Variants in SLC24A2 observed in about 807,000 individuals in gnomAD.
SLC24A2 encodes sodium/potassium/calcium exchanger 2.
Under a neutral mutation model 62.0 loss-of-function variants are expected in SLC24A2, and 36 were observed. The observed-to-expected ratio is 0.58, with a 90% CI of 0.44 to 0.77. SLC24A2 has a LOEUF of 0.77. Among genes scored for constraint, SLC24A2 ranks in the 30% least tolerant of loss-of-function variants. The pLI, the probability that SLC24A2 is intolerant of heterozygous loss-of-function variation, is 0.00. For missense variants in SLC24A2, 846 were observed against 817.9 expected (o/e 1.03, Z -0.42); for synonymous variants, 358 against 294.0 (o/e 1.22, Z -2.23).
At chr9:19,723,817 A>C (rs912578682) in intron 2 of SLC24A2, among the ~76,000 whole-genome samples, 2 of 152,110 alleles carry the variant, frequency 1.3e-5, no homozygotes, top group African/African-American at 4.8e-5. Context: ...TTTTTTCTAC[A>C]TCATACTTCA....
chr9:19,741,983 G>A (rs1040323478), intron 2 of SLC24A2, among the ~76,000 whole-genome samples: 3 of 152,144 alleles, frequency 2.0e-5, no homozygotes, highest in African/African-American at 7.2e-5. Flanking sequence ...TATGCAATGG[G>A]ACAATTTTTG....
chr9:20,134,208 T>G, the SLC24A2 span, among the ~76,000 whole-genome samples: 6 of 152,180 alleles, frequency 3.9e-5, no homozygotes, highest in Non-Finnish European at 7.4e-5. Flanking sequence ...TACCATGATT[T>G]GAGAAGCAAT....
the SLC24A2 span, among the ~76,000 whole-genome samples, chr9:20,182,849 A>T: frequency 6.6e-6 from 1 of 152,198 alleles, no homozygotes; most frequent in Non-Finnish European, 1.5e-5. Flanking sequence ...GGCAGAAAAT[A>T]AAACTTCATG....
the SLC24A2 span, among the ~76,000 whole-genome samples, chr9:20,054,104 C>T: frequency 2.0e-5 from 3 of 152,100 alleles, no homozygotes; most frequent in South Asian, 2.1e-4. Context: ...CTTGGGGAAA[C>T]AGGTGGTGTT....
the SLC24A2 span, among the ~76,000 whole-genome samples, chr9:20,271,557 C>A: frequency 6.6e-6 from 1 of 152,226 alleles, no homozygotes; most frequent in Admixed American, 6.5e-5. Flanking sequence ...GGCTCTCTCA[C>A]TCACAGCACT....
chr9:20,098,559 G>C, the SLC24A2 span, among the ~76,000 whole-genome samples: 2 of 152,178 alleles, frequency 1.3e-5, no homozygotes, highest in Non-Finnish European at 2.9e-5. Flanking sequence ...CCAAACATAA[G>C]AAACTCAGCA....
intron 2 of SLC24A2, among the ~76,000 whole-genome samples, chr9:19,747,725 A>C (rs773328453): frequency 7.2e-5 from 11 of 152,126 alleles, no homozygotes; most frequent in Non-Finnish European, 1.2e-4. Flanking sequence ...TCAAATGCAA[A>C]TGTGTCACCA....
At chr9:19,578,313 TTTC>T (rs1466282052) in intron 5 of SLC24A2, among the ~76,000 whole-genome samples, 1 of 151,390 alleles carries the variant, frequency 6.6e-6, no homozygotes, top group Non-Finnish European at 1.5e-5. Context: ...CGATGTTTCA[TTTC>T]TTCTTTATTA....
At chr9:19,982,460 C>G in the SLC24A2 span, among the ~76,000 whole-genome samples, 1 of 152,114 alleles carries the variant, frequency 6.6e-6, no homozygotes, top group Non-Finnish European at 1.5e-5. Flanking sequence ...AGATTTATAG[C>G]AGCAATGTGA....
chr9:19,961,019 G>GTTGT, the SLC24A2 span, among the ~76,000 whole-genome samples: 1 of 80,412 alleles, frequency 1.2e-5, no homozygotes, highest in South Asian at 6.8e-4. Flanking sequence ...GGATTAGAGG[G>GTTGT]GTGGGTGTGT....
the SLC24A2 span, among the ~76,000 whole-genome samples, chr9:19,835,197 A>C: frequency 6.6e-6 from 1 of 152,212 alleles, no homozygotes; most frequent in Non-Finnish European, 1.5e-5. Context: ...CTAACATCAT[A>C]ATGACAGGAT....
At chr9:20,140,021 G>A in the SLC24A2 span, among the ~76,000 whole-genome samples, 1 of 152,198 alleles carries the variant, frequency 6.6e-6, no homozygotes. Flanking sequence ...CTGCTCATTA[G>A]TGGTAAATGG....
chr9:19,916,818 G>T, the SLC24A2 span, among the ~76,000 whole-genome samples: 1 of 151,630 alleles, frequency 6.6e-6, no homozygotes, highest in Admixed American at 6.6e-5. Context: ...GTCTTTTTGT[G>T]CATGTTTAAC....
At chr9:20,001,349 A>C in the SLC24A2 span, among the ~76,000 whole-genome samples, 2 of 152,218 alleles carry the variant, frequency 1.3e-5, no homozygotes, top group Non-Finnish European at 2.9e-5. Context: ...TCAGGTCTGC[A>C]TGGAGAGAAG....
At chr9:20,106,187 G>C in the SLC24A2 span, among the ~76,000 whole-genome samples, 1 of 152,198 alleles carries the variant, frequency 6.6e-6, no homozygotes, top group Non-Finnish European at 1.5e-5. Flanking sequence ...AACAGGATCT[G>C]AAATTGTGGC....
the SLC24A2 span, among the ~76,000 whole-genome samples, chr9:20,097,524 A>G: frequency 5.9e-5 from 9 of 152,172 alleles, no homozygotes; most frequent in African/African-American, 2.2e-4. Flanking sequence ...CTCTGGTGAT[A>G]TTAAACCAGT....
the SLC24A2 span, among the ~76,000 whole-genome samples, chr9:20,211,388 T>A: frequency 6.6e-6 from 1 of 152,246 alleles, no homozygotes. Context: ...GGCACATGCC[T>A]GTAATCCCAG....
At chr9:19,870,071 C>T in the SLC24A2 span, among the ~76,000 whole-genome samples, 2 of 152,110 alleles carry the variant, frequency 1.3e-5, no homozygotes, top group African/African-American at 4.8e-5. Flanking sequence ...ATTTACAATT[C>T]AGTCTTTTTT....
chr9:19,882,502 G>A, the SLC24A2 span, among the ~76,000 whole-genome samples: 15 of 151,052 alleles, frequency 9.9e-5, no homozygotes, highest in Admixed American at 9.2e-4. Context: ...TTCCCTCCAC[G>A]CCCCCCACCC....
Sources: allele counts gnomAD v4.1 joint callset (sites outside exome capture counted in the v4.1 genomes callset), GRCh38; gene constraint gnomAD v4.1.1; transcripts MANE v1.5; gene names NCBI Gene and HGNC (gene_info 2026-07-23, HGNC 2026-07-21).